Variants in MOSPD2 observed in about 807,000 individuals in gnomAD.
MOSPD2 encodes motile sperm domain-containing protein 2.
A neutral mutation model predicts 41.7 loss-of-function variants in MOSPD2; 5 were observed. That is an observed-to-expected ratio of 0.12 (90% CI 0.06 to 0.25). MOSPD2 has a LOEUF of 0.25. MOSPD2 is among the 10% of genes least tolerant of loss of function. The pLI is 1.00. For missense variants in MOSPD2, 282 were observed against 375.2 expected, an observed-to-expected ratio of 0.75 and a Z score of 2.05; for synonymous variants, 115 against 126.9, an observed-to-expected ratio of 0.91 and a Z score of 0.63.
intron 2 of MOSPD2, among the ~76,000 whole-genome samples, chrX:14,888,206 G>GCACACA (rs775166629): frequency 7.4e-4 from 42 of 56,777 alleles, no homozygotes; most frequent in East Asian, 2.0e-3. Flanking sequence ...ACACACACAC[G>GCACACA]CACACACACA....
At chrX:14,906,359 A>G (rs1816694443) in intron 7 of MOSPD2, among the ~76,000 whole-genome samples, 1 of 111,849 alleles carries the variant, frequency 8.9e-6, no homozygotes, top group Non-Finnish European at 1.9e-5. Context: ...GGCTTTTTAA[A>G]TAAAAGGTGC....
rs775463717 is a variant in MOSPD2, at chrX:14,891,925, G to A, written c.80-798G>A. ...AAATGTCTTTTTAAAGCACAACTTA[G>A]TTATTTCTTTACATATGAAATTTCT... On this transcript the variant is annotated intron_variant, in intron 2 of 14. Coordinates refer to ENST00000380492, the MANE Select transcript of MOSPD2 (RefSeq NM_152581.4). 1.3e-4 allele frequency among the ~76,000 whole-genome samples: 15 copies of A among 111,409 alleles called. No homozygotes were observed. In the East Asian group the frequency reaches 3.9e-3, roughly 29 times the overall value.
At chrX:14,882,807 CT>C (rs745639177) in intron 2 of MOSPD2, among the ~76,000 whole-genome samples, 180 of 98,045 alleles carry the variant, frequency 1.8e-3, no homozygotes, top group Non-Finnish European at 2.1e-3. Context: ...TTTTCTTTTT[CT>C]TTTTTTTTTT....
Position 14,922,320 on chromosome X carries a change from GA to G in MOSPD2, c.*2518del, listed in dbSNP as rs1003383883. The stretch of plus-strand genomic sequence containing the variant: ...ACATTTATGAAATAAATATCATCAG[GA>G]AAAAAACCTCTGGTCTCTAATTGAT... On this transcript the variant is annotated 3_prime_UTR_variant, in exon 15 of 15. Transcript: ENST00000380492. 4.8e-4 allele frequency: 53 copies of G among 110,867 alleles called. No individual in the cohort carries two copies. Among genetic ancestry groups the G allele is most frequent in the Non-Finnish European group, 3.0e-4 (16 of 52,969 alleles). 9.1% of individuals were successfully genotyped at this position (110,867 alleles called of 1,213,427 possible).
At chrX:14,908,285 AC>A (rs2092585778) in intron 7 of MOSPD2, among the ~76,000 whole-genome samples, 1 of 111,679 alleles carries the variant, frequency 9.0e-6, no homozygotes, top group Non-Finnish European at 1.9e-5. Flanking sequence ...AAATTTAAAA[AC>A]CAGTTTATTT....
At chrX:14,906,852 C>T (rs904563525) in intron 7 of MOSPD2, among the ~76,000 whole-genome samples, 9 of 111,037 alleles carry the variant, frequency 8.1e-5, no homozygotes, top group African/African-American at 2.9e-4. Context: ...TGGTAAAACC[C>T]CATCTTGACT....
Position 14,918,720 on chromosome X carries a change from C to T in MOSPD2, c.1357C>T (p.Leu453Phe). The change falls in exon 14 of 15, where the codon CTT becomes TTT. Residue 453 changes from leucine (L) to phenylalanine (F), a missense_variant. Physicochemically the swap from Leu to Phe is conservative, Grantham distance 22 (BLOSUM62 0). This residue lies in a region of MOSPD2 where 94 missense variants were observed against 102.1 expected (regional missense o/e 0.92). Transcript: ENST00000380492. ...HTVESSKPNT[L>F]TLKDNAFNMS... Reference sequence around the variant, plus strand: ...TGTTGAAAGCAGTAAACCAAACACTCTTACGTTAAAAGACAATGCTTTCAA... The same window carrying T: ...TGTTGAAAGCAGTAAACCAAACACTTTTACGTTAAAAGACAATGCTTTCAA... 7 of 1,203,134 alleles carry T rather than the reference C, an allele frequency of 5.8e-6. No homozygotes were observed. The highest frequency in any genetic ancestry group is 7.9e-6 in the Non-Finnish European group (7 of 888,238).
chrX:14,911,981 A>G (rs1009143451), intron 9 of MOSPD2, among the ~76,000 whole-genome samples: 2 of 112,479 alleles, frequency 1.8e-5, no homozygotes, highest in Non-Finnish European at 3.8e-5. Flanking sequence ...TTATTTGTCT[A>G]AAAGTAATTA....
chrX:14,881,674 GATAA>G lies in MOSPD2; in HGVS notation c.79+7922_79+7925del, dbSNP rs2092531693. 2.7e-5 allele frequency among the ~76,000 whole-genome samples: 3 copies of G among 111,628 alleles called. No individual in the cohort carries two copies. The South Asian group carries it at 1.1e-3, about 41-fold the overall frequency. ...CAAGTGAGGAAGCCTTTAAAAGATT[GATAA>G]ATAAACAGACACACTTGGATTTGCT... is the stretch of plus-strand genomic sequence containing the variant. On this transcript the variant is annotated intron_variant, in intron 2 of 14. Coordinates refer to ENST00000380492, the MANE Select transcript of MOSPD2 (RefSeq NM_152581.4).
chrX:14,878,206 G>T (rs1016556761), intron 2 of MOSPD2, among the ~76,000 whole-genome samples: 1 of 111,377 alleles, frequency 9.0e-6, no homozygotes, highest in Non-Finnish European at 1.9e-5. Context: ...CAGTAGTTGA[G>T]ATTATTTCCT....
chrX:14,882,812 T>TC (rs1230396332), intron 2 of MOSPD2, among the ~76,000 whole-genome samples: 11 of 110,508 alleles, frequency 1.0e-4, no homozygotes, highest in African/African-American at 3.3e-4. Context: ...TTTTTCTTTT[T>TC]TTTTTTTTTA....
chrX:14,902,138 C>T (rs1046410189), intron 6 of MOSPD2, among the ~76,000 whole-genome samples: 1 of 111,468 alleles, frequency 9.0e-6, no homozygotes, highest in Non-Finnish European at 1.9e-5. Context: ...ATATCCCAGA[C>T]GAAGACTGAG....
At position 14,919,679 on chromosome X, in the gene MOSPD2, G is replaced by A. The variant is rs745450327; in HGVS notation, c.1427G>A (p.Arg476His). ...CCCCTCTTCCCTCTTCAGCTCAGTC[G>A]TTTACTAGAAAGCAATAGGAAGCTT... is the stretch of plus-strand genomic sequence containing the variant. ...TSEDICLQLS[R>H]LLESNRKLED... The change falls in exon 15 of 15, where the codon CGT becomes CAT. Residue 476 changes from arginine to histidine, a missense_variant. Physicochemically the swap from Arg to His is conservative, Grantham distance 29 (BLOSUM62 0). Transcript: ENST00000380492. 3.2e-5 allele frequency: 39 copies of A among 1,201,191 alleles called. No individual in the cohort carries two copies. The East Asian group carries it at 6.3e-4, about 19-fold the overall frequency.
At chrX:14,885,108 T>C (rs2092538674) in intron 2 of MOSPD2, among the ~76,000 whole-genome samples, 1 of 111,886 alleles carries the variant, frequency 8.9e-6, no homozygotes, top group Non-Finnish European at 1.9e-5. Flanking sequence ...TGTGTATGTA[T>C]ATGAGTATAT....
chrX:14,894,801 A>G (rs2092560198), intron 3 of MOSPD2, among the ~76,000 whole-genome samples: 1 of 111,170 alleles, frequency 9.0e-6, no homozygotes, highest in Non-Finnish European at 1.9e-5. Context: ...TAAATGCATT[A>G]AAGTCTACTA....
chrX:14,921,648 A>G lies in MOSPD2; in HGVS notation c.*1839A>G, dbSNP rs2092609821. The G allele has an allele frequency of 2.1e-5, 5 of 240,663 alleles. No individual in the cohort carries two copies. The highest frequency in any genetic ancestry group is 7.4e-6 in the Non-Finnish European group (1 of 134,669). The allele number at this position is 240,663 out of a possible 1,213,427, so 19.8% of individuals were successfully genotyped here. ...TGACCCACTAAAATATCCTTGCTCA[A>G]TGTCTGGTCAGTTGAATTTAATAAC... is the stretch of plus-strand genomic sequence containing the variant. On this transcript the variant is annotated 3_prime_UTR_variant, in exon 15 of 15. Coordinates refer to ENST00000380492, the MANE Select transcript of MOSPD2 (RefSeq NM_152581.4).
intron 8 of MOSPD2, among the ~76,000 whole-genome samples, chrX:14,909,479 T>C (rs2092587889): frequency 8.9e-6 from 1 of 111,851 alleles, no homozygotes. Flanking sequence ...TATGGCTGCA[T>C]AGTATTCTAC....
At chrX:14,917,871 T>A (rs1409962651) in intron 13 of MOSPD2, among the ~76,000 whole-genome samples, 1 of 111,538 alleles carries the variant, frequency 9.0e-6, no homozygotes, top group Non-Finnish European at 1.9e-5. Context: ...AATCAAAAGC[T>A]TAGCTGATAG....
intron 2 of MOSPD2, among the ~76,000 whole-genome samples, chrX:14,886,080 G>A (rs2092540629): frequency 9.0e-6 from 1 of 111,090 alleles, no homozygotes; most frequent in Admixed American, 9.6e-5. Flanking sequence ...GACAGCATCA[G>A]TCCGACTCCT....
Sources: allele counts gnomAD v4.1 joint callset (sites outside exome capture counted in the v4.1 genomes callset), GRCh38; gene constraint gnomAD v4.1.1; regional missense constraint gnomAD v4.1.1; transcripts MANE v1.5; gene names NCBI Gene and HGNC (gene_info 2026-07-23, HGNC 2026-07-21).